Variants in KCNQ1OT1 observed in about 807,000 individuals in gnomAD.
KCNQ1OT1 encodes the protein KCNQ1 antisense RNA 2 (non-protein coding).
In KCNQ1OT1 at chr11:2,617,446, C is replaced by T. The variant is rs1849085375; in HGVS notation, n.82549G>A. The T allele has an allele frequency of 2.5e-6, 1 of 398,426 alleles. No individual in the cohort carries two copies. Among genetic ancestry groups the T allele is most frequent in the Non-Finnish European group, 4.4e-6 (1 of 225,946 alleles). 24.7% of individuals were successfully genotyped at this position (398,426 alleles called of 1,614,324 possible). A position where few individuals can be genotyped will look rare whatever the true frequency, so the allele number is the denominator to read the frequency against. ...AATAATATTCCATTGTAGACATACA[C>T]ACCACAGTTTAGTCATCCATCAATG... On this transcript the variant is annotated non_coding_transcript_exon_variant, in exon 1 of 1. Coordinates refer to ENST00000597346, the Ensembl canonical transcript of KCNQ1OT1. This position sits in a 1 kb window ranked among gnomAD's most constrained non-coding sequence, Gnocchi z 4.6.
chr11:2,659,615 G>A lies in KCNQ1OT1; in HGVS notation n.40380C>T, dbSNP rs1590012737. On this transcript the variant is annotated non_coding_transcript_exon_variant, in exon 1 of 1. Transcript: ENST00000597346. This position sits in a 1 kb window ranked among gnomAD's most constrained non-coding sequence, Gnocchi z 4.3. ...ATAAAAATTCAATTCACTTGGGTGG[G>A]AAAGGAACCGATAGGTCATGTGGTA... 1.0e-5 allele frequency: 4 copies of A among 398,478 alleles called. No homozygotes were observed. The East Asian group carries it at 1.1e-4, about 11-fold the overall frequency. 24.7% of individuals were successfully genotyped at this position (398,478 alleles called of 1,614,324 possible). A position where few individuals can be genotyped will look rare whatever the true frequency, so the allele number is the denominator to read the frequency against.
At position 2,612,913 on chromosome 11, in the gene KCNQ1OT1, C is replaced by A; in HGVS notation, n.87082G>T. On this transcript the variant is annotated non_coding_transcript_exon_variant, in exon 1 of 1. Coordinates refer to ENST00000597346, the Ensembl canonical transcript of KCNQ1OT1. This position sits in a 1 kb window ranked among gnomAD's most constrained non-coding sequence, Gnocchi z 5.5. Reference sequence around the variant, plus strand: ...TCTGTTACTCATTTATTTGTTTGCTCGCTTGTGTATGCCTTCTCTGCATGG... The same window carrying A: ...TCTGTTACTCATTTATTTGTTTGCTAGCTTGTGTATGCCTTCTCTGCATGG... 1 of 398,560 alleles carries A rather than the reference C, an allele frequency of 2.5e-6. No homozygotes were observed. Among genetic ancestry groups the A allele is most frequent in the South Asian group, 1.3e-4 (1 of 7,838 alleles). The allele number at this position is 398,560 out of a possible 1,614,324, so 24.7% of individuals were successfully genotyped here.
rs1349839158 is a variant in KCNQ1OT1, at chr11:2,653,999, A to C, written n.45996T>G. Reference sequence around the variant, plus strand: ...ATTTTCCTAAGCGGAACTGGGTGCCAGCTGTGAATATACATTTTCACTCCA... The same window carrying C: ...ATTTTCCTAAGCGGAACTGGGTGCCCGCTGTGAATATACATTTTCACTCCA... On this transcript the variant is annotated non_coding_transcript_exon_variant, in exon 1 of 1. Transcript: ENST00000597346. This position sits in a 1 kb window ranked among gnomAD's most constrained non-coding sequence, Gnocchi z 5.3. The C allele has an allele frequency of 2.5e-6, 1 of 398,572 alleles. No homozygotes were observed. Among genetic ancestry groups the C allele is most frequent in the Non-Finnish European group, 4.4e-6 (1 of 226,084 alleles). The allele number at this position is 398,572 out of a possible 1,614,324, so 24.7% of individuals were successfully genotyped here.
At chr11:2,692,131 C>T (rs2133893317) in exon 1 of KCNQ1OT1, 1 of 398,728 alleles carries the variant, frequency 2.5e-6, no homozygotes, top group East Asian at 3.6e-5. Flanking sequence ...GCCCACTCTA[C>T]TGAAGGCCCC....
Position 2,621,744 on chromosome 11 carries a change from T to A in KCNQ1OT1, n.78251A>T, listed in dbSNP as rs1183114428. 1 of 398,324 alleles carries A rather than the reference T, an allele frequency of 2.5e-6. No homozygotes were observed. The highest frequency in any genetic ancestry group is 4.4e-6 in the Non-Finnish European group (1 of 225,998). The allele number at this position is 398,324 out of a possible 1,614,324, so 24.7% of individuals were successfully genotyped here. The stretch of plus-strand genomic sequence containing the variant: ...TGTTGTAATATATTCTCCATTTTCA[T>A]TTCTGATTTTGTCCTCTTTCTTAGT... On this transcript the variant is annotated non_coding_transcript_exon_variant, in exon 1 of 1. Transcript: ENST00000597346. The surrounding 1 kb of genome is among the most constrained non-coding windows in gnomAD (Gnocchi z 5.7).
At position 2,612,947 on chromosome 11, in the gene KCNQ1OT1, G is replaced by T. The variant is rs80102379; in HGVS notation, n.87048C>A. The stretch of plus-strand genomic sequence containing the variant: ...ATGCCTTCTCTGCATGGATTCTGCA[G>T]AGTCTGTGTTCTCCTGCAGTGTGCA... On this transcript the variant is annotated non_coding_transcript_exon_variant, in exon 1 of 1. Transcript: ENST00000597346. This position sits in a 1 kb window ranked among gnomAD's most constrained non-coding sequence, Gnocchi z 5.5. 6,787 of 398,524 alleles carry T rather than the reference G, an allele frequency of 0.017. 74 individuals are homozygous for T. Among genetic ancestry groups the T allele is most frequent in the Middle Eastern group, 0.04 (63 of 1,588 alleles). The allele number at this position is 398,524 out of a possible 1,614,324, so 24.7% of individuals were successfully genotyped here. A position where few individuals can be genotyped will look rare whatever the true frequency, so the allele number is the denominator to read the frequency against.
chr11:2,681,085 T>C (rs1850389200), exon 1 of KCNQ1OT1: 4 of 398,508 alleles, frequency 1.0e-5, no homozygotes, highest in Non-Finnish European at 1.8e-5. Context: ...ATTTCACTAA[T>C]GATGTGGTTA....
At chr11:2,650,607 A>C in exon 1 of KCNQ1OT1, 1 of 398,604 alleles carries the variant, frequency 2.5e-6, no homozygotes, top group East Asian at 3.6e-5. Context: ...CCTTAGAGGT[A>C]CTTACTCCTC....
At chr11:2,634,349 C>A (rs1849419567) in exon 1 of KCNQ1OT1, 1 of 227,142 alleles carries the variant, frequency 4.4e-6, no homozygotes, top group Non-Finnish European at 7.4e-6. Flanking sequence ...CCACAACAGG[C>A]CCTGGTGGGT....
exon 1 of KCNQ1OT1, chr11:2,660,711 C>T (rs752189710): frequency 2.3e-5 from 9 of 398,502 alleles, no homozygotes; most frequent in Non-Finnish European, 4.0e-5. Context: ...AACCTTCATT[C>T]GGGCTTCATT....
chr11:2,609,583 CTTCT>C lies in KCNQ1OT1; in HGVS notation n.90408_90411del, dbSNP rs911734034. ...TCATATCTTCTGTTTCCTTATTGAT[CTTCT>C]TTCTTGTACTACACATTATTGAAAG... On this transcript the variant is annotated non_coding_transcript_exon_variant, in exon 1 of 1. Transcript: ENST00000597346. 56 of 266,966 alleles carry C rather than the reference CTTCT, an allele frequency of 2.1e-4. No homozygotes were observed. The highest frequency in any genetic ancestry group is 1.6e-3 in the African/African-American group (49 of 30,734). The allele number at this position is 266,966 out of a possible 1,614,324, so 16.5% of individuals were successfully genotyped here. A position where few individuals can be genotyped will look rare whatever the true frequency, so the allele number is the denominator to read the frequency against.
Position 2,663,738 on chromosome 11 carries a change from G to A in KCNQ1OT1, n.36257C>T, listed in dbSNP as rs1850011840. On this transcript the variant is annotated non_coding_transcript_exon_variant, in exon 1 of 1. Transcript: ENST00000597346. The surrounding 1 kb of genome is among the most constrained non-coding windows in gnomAD (Gnocchi z 5.2). ...TGCAAGGCCCCTGCAGGTGAAGGTG[G>A]TGAGAGACCAGGCACTTATGTGGAT... 1 of 398,714 alleles carries A rather than the reference G, an allele frequency of 2.5e-6. No homozygotes were observed. The highest frequency in any genetic ancestry group is 4.4e-6 in the Non-Finnish European group (1 of 226,110). 24.7% of individuals were successfully genotyped at this position (398,714 alleles called of 1,614,324 possible). A position where few individuals can be genotyped will look rare whatever the true frequency, so the allele number is the denominator to read the frequency against.
At chr11:2,648,424 C>A in exon 1 of KCNQ1OT1, 1 of 398,474 alleles carries the variant, frequency 2.5e-6, no homozygotes, top group African/African-American at 2.1e-5. Flanking sequence ...AAATGTCCCT[C>A]ATAGCACTTC....
chr11:2,682,800 T>C lies in KCNQ1OT1; in HGVS notation n.17195A>G. ...GAAATCTGGGCACCATGAAATGCAG[T>C]GACTTGCAGTGATCCTCCTGGGGCC... is the stretch of plus-strand genomic sequence containing the variant. On this transcript the variant is annotated non_coding_transcript_exon_variant, in exon 1 of 1. Coordinates refer to ENST00000597346, the Ensembl canonical transcript of KCNQ1OT1. This position sits in a 1 kb window ranked among gnomAD's most constrained non-coding sequence, Gnocchi z 5.8. 1 of 398,654 alleles carries C rather than the reference T, an allele frequency of 2.5e-6. No homozygotes were observed. The highest frequency in any genetic ancestry group is 4.4e-6 in the Non-Finnish European group (1 of 226,074). 24.7% of individuals were successfully genotyped at this position (398,654 alleles called of 1,614,324 possible).
Position 2,671,952 on chromosome 11 carries a change from G to C in KCNQ1OT1, n.28043C>G, listed in dbSNP as rs551096749. On this transcript the variant is annotated non_coding_transcript_exon_variant, in exon 1 of 1. Transcript: ENST00000597346. The surrounding 1 kb of genome is among the most constrained non-coding windows in gnomAD (Gnocchi z 4.7). ...GCAGCTAGTCTCTGTATCTGGGGTA[G>C]AAAGAGTGGGCTAAAAAGTCAGCTA... 70 of 398,638 alleles carry C rather than the reference G, an allele frequency of 1.8e-4. No homozygotes were observed. Among genetic ancestry groups the C allele is most frequent in the African/African-American group, 1.4e-3 (67 of 48,734 alleles). 24.7% of individuals were successfully genotyped at this position (398,638 alleles called of 1,614,324 possible).
chr11:2,609,810 CT>C (rs1399658973), exon 1 of KCNQ1OT1: 1 of 398,038 alleles, frequency 2.5e-6, no homozygotes. Context: ...AATTTAAAAT[CT>C]CCTTTGACTT....
At chr11:2,614,446 G>T (rs1849028393) in exon 1 of KCNQ1OT1, 2 of 398,270 alleles carry the variant, frequency 5.0e-6, no homozygotes, top group East Asian at 3.6e-5. Flanking sequence ...TCTTTTCTAA[G>T]AATTTATTTC....
At position 2,655,144 on chromosome 11, in the gene KCNQ1OT1, T is replaced by C. The variant is rs551300254; in HGVS notation, n.44851A>G. 499 of 398,652 alleles carry C rather than the reference T, an allele frequency of 1.3e-3. 2 individuals are homozygous for C. The highest frequency in any genetic ancestry group is 1.9e-3 in the Middle Eastern group (3 of 1,588). The allele number at this position is 398,652 out of a possible 1,614,324, so 24.7% of individuals were successfully genotyped here. ...CAGGACCACTGACTAGAAAGGAGGA[T>C]GCTGTGCTGAGTTTGATTCCTGTTC... On this transcript the variant is annotated non_coding_transcript_exon_variant, in exon 1 of 1. Coordinates refer to ENST00000597346, the Ensembl canonical transcript of KCNQ1OT1.
chr11:2,646,194 T>C, exon 1 of KCNQ1OT1: 1 of 398,628 alleles, frequency 2.5e-6, no homozygotes, highest in Non-Finnish European at 4.4e-6. Context: ...CTACTTGCTA[T>C]ATTTTGTGGA....
Sources: gnomAD v4.1 joint callset for allele counts on GRCh38, gnomAD v4.1.1 for gene constraint, Gnocchi (gnomAD v3.1) non-coding constraint, MANE v1.5 for transcripts, NCBI Gene and HGNC (gene_info 2026-07-23, HGNC 2026-07-21) for gene names.